ABCB9: variants seen among roughly 807,000 people sequenced by gnomAD.
The protein encoded by ABCB9 is ABC-type oligopeptide transporter ABCB9.
ABCB9 carries 36 observed loss-of-function variants against 62.0 expected under a neutral mutation model. That is an observed-to-expected ratio of 0.58 (90% CI 0.45 to 0.77). The LOEUF (loss-of-function observed/expected upper bound fraction) is 0.77, where lower values mean the gene tolerates loss of function less well. Among genes scored for constraint, ABCB9 ranks in the 30% least tolerant of loss-of-function variants. The pLI is 0.00. For missense variants in ABCB9, 943 were observed against 1,054.7 expected (o/e 0.89, Z 1.47); for synonymous variants, 435 against 461.4 (o/e 0.94, Z 0.73).
intron 9 of ABCB9, among the ~76,000 whole-genome samples, chr12:122,936,463 C>T (rs2035465341): frequency 1.3e-5 from 2 of 152,132 alleles, no homozygotes; most frequent in Non-Finnish European, 2.9e-5. Flanking sequence ...TAGAAATTAA[C>T]ATTTTAAATT....
rs2036192518 is a variant in ABCB9 at position 122,948,791 on chromosome 12, C to T, written c.886G>A (p.Val296Ile). Residue 296 changes from valine (V) to isoleucine (I), a missense_variant, in exon 5 of 12, where the codon GTC becomes ATC. Coordinates refer to ENST00000280560, the MANE Select transcript of ABCB9 (RefSeq NM_019625.4). ...ATGTTCTGGGAGACCAGGTCGCTGACCATGGTGGTGTCCGAGGTCAGGCGG... is the reference window on the plus strand; with the variant it reads ...ATGTTCTGGGAGACCAGGTCGCTGATCATGGTGGTGTCCGAGGTCAGGCGG... ...ISRLTSDTTM[V>I]SDLVSQNINV... 6.2e-7 allele frequency: 1 copy of T among 1,600,382 alleles called. No individual in the cohort carries two copies. Among genetic ancestry groups the T allele is most frequent in the Non-Finnish European group, 8.5e-7 (1 of 1,172,832 alleles).
At position 122,932,424 on chromosome 12, in the gene ABCB9, C is replaced by T; in HGVS notation, c.1904-96G>A. ...CCCTGCCCTGCAGCTGTGGAAAGGG[C>T]GGGCTGGAACCCACAACTTGAAAGC... On this transcript the variant is annotated intron_variant, in intron 10 of 11. Transcript: ENST00000280560. The surrounding 1 kb of genome is among the most constrained non-coding windows in gnomAD (Gnocchi z 4.7). The T allele has an allele frequency of 4.2e-6, 6 of 1,429,240 alleles. No homozygotes were observed. In the South Asian group the frequency reaches 4.4e-5, roughly 10 times the overall value. 88.5% of individuals were successfully genotyped at this position (1,429,240 alleles called of 1,614,324 possible). A position where few individuals can be genotyped will look rare whatever the true frequency, so the allele number is the denominator to read the frequency against.
At chr12:122,919,828 G>A (rs1192890019), downstream of ABCB9, among the ~76,000 whole-genome samples, 1 of 152,128 alleles carries the variant, frequency 6.6e-6, no homozygotes, top group Non-Finnish European at 1.5e-5. Context: ...CACTGTCACT[G>A]TCACCTTAGG....
chr12:122,930,211 GC>G lies in ABCB9; in HGVS notation c.2041-41del. On this transcript the variant is annotated intron_variant, in intron 11 of 11. Coordinates refer to ENST00000280560, the MANE Select transcript of ABCB9 (RefSeq NM_019625.4). The surrounding 1 kb of genome is among the most constrained non-coding windows in gnomAD (Gnocchi z 4.9). ...GGGGCCTGGCTTGCATGGCACGGAC[GC>G]CCCACCCGCAACCGTGCTTCATGCC... 4.0e-6 allele frequency: 6 copies of G among 1,502,030 alleles called. No individual in the cohort carries two copies. The highest frequency in any genetic ancestry group is 4.5e-6 in the Non-Finnish European group (5 of 1,116,226). The allele number at this position is 1,502,030 out of a possible 1,614,324, so 93.0% of individuals were successfully genotyped here. A position where few individuals can be genotyped will look rare whatever the true frequency, so the allele number is the denominator to read the frequency against.
At chr12:122,962,716 A>G (rs1274519466) in intron 1 of ABCB9, among the ~76,000 whole-genome samples, 1 of 152,178 alleles carries the variant, frequency 6.6e-6, no homozygotes, top group Admixed American at 6.5e-5. Flanking sequence ...TCTAATAACT[A>G]CAAGCAGACA....
intron 1 of ABCB9, among the ~76,000 whole-genome samples, chr12:122,962,464 G>A (rs1020334548): frequency 6.6e-6 from 1 of 152,164 alleles, no homozygotes; most frequent in Non-Finnish European, 1.5e-5. Flanking sequence ...AAGCTCTGGC[G>A]CCCAGGTGCC....
chr12:122,939,332 C>T (rs533488742), intron 9 of ABCB9: 1 of 152,394 alleles, frequency 6.6e-6, no homozygotes, highest in South Asian at 2.1e-4. Context: ...ACACAAGACA[C>T]AAACTAATCC....
Position 122,940,180 on chromosome 12 carries a change from CA to C in ABCB9, c.1673del (p.Leu558ArgfsTer24). ...CGTCCAGCAGCACCCGGCCCCCCTC[CA>C]GGGGGTAGAAGTTCTCCAGGATGTT... ...CVNILENFYP[L>X]EGGRVLLDGK... On this transcript the variant is annotated frameshift_variant, in exon 9 of 12. Coordinates refer to ENST00000280560, the MANE Select transcript of ABCB9 (RefSeq NM_019625.4). LOFTEE classifies it high-confidence loss of function. This position sits in a 1 kb window ranked among gnomAD's most constrained non-coding sequence, Gnocchi z 4.8. The C allele has an allele frequency of 4.3e-6, 7 of 1,613,726 alleles. No individual in the cohort carries two copies. The highest frequency in any genetic ancestry group is 5.1e-6 in the Non-Finnish European group (6 of 1,179,882).
At chr12:122,963,179 C>T (rs769035592) in intron 1 of ABCB9, among the ~76,000 whole-genome samples, 1 of 152,118 alleles carries the variant, frequency 6.6e-6, no homozygotes, top group Admixed American at 6.6e-5. Flanking sequence ...ACGCCTGTAA[C>T]CCCAGCAACT....
chr12:122,924,441 G>T, downstream of ABCB9: 1 of 311,148 alleles, frequency 3.2e-6, no homozygotes, highest in South Asian at 5.3e-5. Context: ...CATAGCCCAT[G>T]GCAGCCTCAA....
At chr12:122,971,736 G>A (rs2037272867) in intron 1 of ABCB9, among the ~76,000 whole-genome samples, 1 of 152,122 alleles carries the variant, frequency 6.6e-6, no homozygotes, top group Non-Finnish European at 1.5e-5. Context: ...ACAGGTGTGA[G>A]CCACTGCGCC....
rs761175587 is a variant in ABCB9, at chr12:122,940,140, C to T, written c.1714G>A (p.Ala572Thr). The T allele has an allele frequency of 6.8e-6, 11 of 1,612,534 alleles. No homozygotes were observed. Among genetic ancestry groups the T allele is most frequent in the East Asian group, 6.7e-5 (3 of 44,856 alleles). Reference sequence around the variant, plus strand: ...CGGTGCAAGTACTTGTGGTCGTAGGCGCTGATGGGCTTGCCGTCCAGCAGC... The same window carrying T: ...CGGTGCAAGTACTTGTGGTCGTAGGTGCTGATGGGCTTGCCGTCCAGCAGC... ...RVLLDGKPIS[A>T]YDHKYLHRVI... The change falls in exon 9 of 12, where the codon GCC (alanine) becomes ACC (threonine). Residue 572 changes from alanine (A) to threonine (T), a missense_variant. Ala to Thr is a moderately conservative substitution (Grantham distance 58). Coordinates refer to ENST00000280560, the MANE Select transcript of ABCB9 (RefSeq NM_019625.4). This position sits in a 1 kb window ranked among gnomAD's most constrained non-coding sequence, Gnocchi z 4.8.
chr12:122,962,190 G>A (rs935727718), intron 1 of ABCB9, among the ~76,000 whole-genome samples: 6 of 152,286 alleles, frequency 3.9e-5, no homozygotes, highest in South Asian at 2.1e-4. Context: ...CCCCAGAGCC[G>A]CAGGGACACC....
In ABCB9 at chr12:122,947,512, CT is replaced by C. The variant is rs1566176750; in HGVS notation, c.1053+1111del. The C allele has an allele frequency of 2.2e-6, 1 of 454,058 alleles. No individual in the cohort carries two copies. The highest frequency in any genetic ancestry group is 7.0e-5 in the East Asian group (1 of 14,322). 28.1% of individuals were successfully genotyped at this position (454,058 alleles called of 1,614,324 possible). On this transcript the variant is annotated intron_variant, in intron 5 of 11. Coordinates refer to ENST00000280560, the MANE Select transcript of ABCB9 (RefSeq NM_019625.4). The surrounding 1 kb of genome is among the most constrained non-coding windows in gnomAD (Gnocchi z 6.0). ...TGGAGGCCGTCATGCATCCAAGCCCCTGCTCTAGAAGTACCCCACGTGGGCC... is the reference window on the plus strand; with the variant it reads ...TGGAGGCCGTCATGCATCCAAGCCCCGCTCTAGAAGTACCCCACGTGGGCC...
intron 11 of ABCB9, among the ~76,000 whole-genome samples, chr12:122,923,848 T>A (rs369047785): frequency 6.6e-6 from 1 of 152,310 alleles, no homozygotes; most frequent in East Asian, 1.9e-4. Flanking sequence ...TTAACCCTCC[T>A]CTGTGCTGTT....
intron 2 of ABCB9, among the ~76,000 whole-genome samples, chr12:122,958,169 C>CAAAA (rs34917345): frequency 5.7e-4 from 41 of 72,164 alleles, no homozygotes; most frequent in Admixed American, 7.4e-4. Flanking sequence ...GACTCCATCT[C>CAAAA]AAAAAAAAAA....
intron 1 of ABCB9, among the ~76,000 whole-genome samples, chr12:122,971,606 C>T (rs1358784984): frequency 6.6e-6 from 1 of 151,842 alleles, no homozygotes; most frequent in African/African-American, 2.4e-5. Context: ...GGTGTGCCAC[C>T]ACAACCAGCT....
intron 5 of ABCB9, 34 bp from the exon 6 acceptor site, chr12:122,946,256 C>A (rs370150708): frequency 1.5e-4 from 243 of 1,611,196 alleles, no homozygotes; most frequent in Non-Finnish European, 2.0e-4. Context: ...AGGAGAAGAC[C>A]CCAAAACAGC....
rs143877198 is a variant in ABCB9, at chr12:122,947,454, T to C, written c.1053+1170A>G. 1.2e-3 allele frequency: 556 copies of C among 453,536 alleles called. 12 individuals are homozygous for C. In the East Asian group the frequency reaches 0.029, roughly 24 times the overall value. 28.1% of individuals were successfully genotyped at this position (453,536 alleles called of 1,614,324 possible). On this transcript the variant is annotated intron_variant, in intron 5 of 11. Transcript: ENST00000280560. This position sits in a 1 kb window ranked among gnomAD's most constrained non-coding sequence, Gnocchi z 6.0. ...AGGTCACCAACACCAAAGGCTCCAA[T>C]GGAGCTGCGACAATGACTTACCCGG...
Sources: gnomAD v4.1 joint callset for allele counts (sites outside exome capture counted in the v4.1 genomes callset) on GRCh38, gnomAD v4.1.1 for gene constraint, Gnocchi (gnomAD v3.1) non-coding constraint, MANE v1.5 for transcripts, NCBI Gene and HGNC (gene_info 2026-07-23, HGNC 2026-07-21) for gene names.